STX17: variants seen among roughly 807,000 people sequenced by gnomAD.
STX17 encodes the protein syntaxin-17.
In STX17, 29 loss-of-function variants were observed where a neutral mutation model predicts 35.9. The ratio of observed to expected loss-of-function variants is 0.81; its 90% CI spans 0.60 to 1.10. The LOEUF (loss-of-function observed/expected upper bound fraction) is 1.10. Ranked by LOEUF, STX17 falls within the 50% of genes least tolerant of loss-of-function variation. STX17 has a pLI of 0.00. For missense variants in STX17, 312 were observed against 352.3 expected (o/e 0.89, Z 0.92); for synonymous variants, 92 against 118.3 (o/e 0.78, Z 1.44).
chr9:99,969,846 C>T lies in STX17; in HGVS notation c.*1173C>T, dbSNP rs1028971343. On this transcript the variant is annotated 3_prime_UTR_variant, in exon 8 of 8. Coordinates refer to ENST00000259400, the MANE Select transcript of STX17 (RefSeq NM_017919.3). ...ATGGCGTTCCCATGCTTACCTTTCT[C>T]ACATTCTAGACAATGATGGACAAAG... 2 of 152,684 alleles carry T rather than the reference C, an allele frequency of 1.3e-5. No homozygotes were observed. Among genetic ancestry groups the T allele is most frequent in the African/African-American group, 4.8e-5 (2 of 41,438 alleles). 9.5% of individuals were successfully genotyped at this position (152,684 alleles called of 1,614,324 possible).
chr9:99,965,630 T>G (rs1008601460), intron 6 of STX17, among the ~76,000 whole-genome samples: 1 of 152,212 alleles, frequency 6.6e-6, no homozygotes, highest in African/African-American at 2.4e-5. Flanking sequence ...GTGCTGGAAC[T>G]TTTTCTTCTA....
intron 1 of STX17, among the ~76,000 whole-genome samples, chr9:99,909,270 T>C (rs1402519231): frequency 1.3e-5 from 2 of 152,262 alleles, no homozygotes; most frequent in Non-Finnish European, 2.9e-5. Flanking sequence ...TTATAGTTTA[T>C]ATTCCATTTT....
intron 2 of STX17, among the ~76,000 whole-genome samples, chr9:99,916,425 T>TCA (rs1828772697): frequency 2.3e-5 from 3 of 132,320 alleles, no homozygotes; most frequent in African/African-American, 8.3e-5. Flanking sequence ...ATTTATTTAT[T>TCA]TATTTATTCA....
rs1564056351 is a variant in STX17 at position 99,913,164 on chromosome 9, G to A, written c.-62-2014G>A. On this transcript the variant is annotated intron_variant, in intron 1 of 7. Coordinates refer to ENST00000259400, the MANE Select transcript of STX17 (RefSeq NM_017919.3). Reference sequence around the variant, plus strand: ...TTGCAATTTCCCTTCCATGTATTTAGGCAAATTTGGTTTCTTTTTAATGTA... The same window carrying A: ...TTGCAATTTCCCTTCCATGTATTTAAGCAAATTTGGTTTCTTTTTAATGTA... Among the ~76,000 whole-genome samples the A allele has an allele frequency of 4.0e-5, 6 of 151,706 alleles. No homozygotes were observed. In the South Asian group the frequency reaches 8.3e-4, roughly 21 times the overall value.
chr9:99,910,701 A>C (rs1429579672), intron 1 of STX17, among the ~76,000 whole-genome samples: 1 of 152,210 alleles, frequency 6.6e-6, no homozygotes, highest in Non-Finnish European at 1.5e-5. Context: ...CAGATCTTCT[A>C]GCTATTTTGA....
chr9:99,924,364 A>G (rs1171465844), intron 2 of STX17, among the ~76,000 whole-genome samples: 1 of 152,118 alleles, frequency 6.6e-6, no homozygotes, highest in Non-Finnish European at 1.5e-5. Flanking sequence ...GGGAGTTATG[A>G]TCAAGGAACT....
At position 99,972,093 on chromosome 9, in the gene STX17, A is replaced by T. The variant is rs1359988335; in HGVS notation, c.*3420A>T. Among the ~76,000 whole-genome samples the T allele has an allele frequency of 6.6e-6, 1 of 152,216 alleles. No individual in the cohort carries two copies. Among genetic ancestry groups the T allele is most frequent in the East Asian group, 1.9e-4 (1 of 5,200 alleles). ...CTTTTTAAAAAACTTCTGATTCCTT[A>T]CTGAGTGTCCAGCAGCCTCAAAGTT... On this transcript the variant is annotated 3_prime_UTR_variant, in exon 8 of 8. Coordinates refer to ENST00000259400, the MANE Select transcript of STX17 (RefSeq NM_017919.3).
chr9:99,970,132 G>C lies in STX17; in HGVS notation c.*1459G>C, dbSNP rs368947092. The C allele has an allele frequency of 5.3e-5, 8 of 152,204 alleles. No individual in the cohort carries two copies. The highest frequency in any genetic ancestry group is 2.0e-4 in the Admixed American group (3 of 15,286). 9.4% of individuals were successfully genotyped at this position (152,204 alleles called of 1,614,324 possible). On this transcript the variant is annotated 3_prime_UTR_variant, in exon 8 of 8. Coordinates refer to ENST00000259400, the MANE Select transcript of STX17 (RefSeq NM_017919.3). Reference sequence around the variant, plus strand: ...ACCTGCACCCCAGAAGGTGTGAGCTGTCTCTCTGCCAGGAGCTAAGGTTCA... The same window carrying C: ...ACCTGCACCCCAGAAGGTGTGAGCTCTCTCTCTGCCAGGAGCTAAGGTTCA...
chr9:99,914,431 C>A (rs577790878), intron 1 of STX17, among the ~76,000 whole-genome samples: 1 of 152,272 alleles, frequency 6.6e-6, no homozygotes, highest in African/African-American at 2.4e-5. Flanking sequence ...CTAGCCCCTA[C>A]GCTTGTACTC....
chr9:99,949,185 A>C (rs1251576114), intron 3 of STX17, among the ~76,000 whole-genome samples: 1 of 152,076 alleles, frequency 6.6e-6, no homozygotes, highest in Non-Finnish European at 1.5e-5. Context: ...TAACATATTA[A>C]TACCTACATT....
chr9:99,918,402 C>G (rs1828821521), intron 2 of STX17, among the ~76,000 whole-genome samples: 1 of 152,136 alleles, frequency 6.6e-6, no homozygotes, highest in Admixed American at 6.5e-5. Context: ...TCTCAAAGTG[C>G]TAGGATTACG....
In STX17 at chr9:99,917,276, A is replaced by G. The variant is rs546964430; in HGVS notation, c.123+1914A>G. Among the ~76,000 whole-genome samples the G allele has an allele frequency of 6.6e-5, 10 of 151,418 alleles. 1 individual carries two copies. In the South Asian group the frequency reaches 1.9e-3, roughly 29 times the overall value. ...TTAATTATAAAAGTGACTTTTTTTTATCTATATAGGATTGAATAGCTTATT... is the reference window on the plus strand; with the variant it reads ...TTAATTATAAAAGTGACTTTTTTTTGTCTATATAGGATTGAATAGCTTATT... On this transcript the variant is annotated intron_variant, in intron 2 of 7. Coordinates refer to ENST00000259400, the MANE Select transcript of STX17 (RefSeq NM_017919.3).
At chr9:99,922,656 G>A (rs1828911288) in intron 2 of STX17, among the ~76,000 whole-genome samples, 1 of 152,206 alleles carries the variant, frequency 6.6e-6, no homozygotes, top group Admixed American at 6.5e-5. Flanking sequence ...TAAGCCCTGT[G>A]GAGACAGCAA....
chr9:99,948,724 A>G (rs1295221012), intron 3 of STX17, among the ~76,000 whole-genome samples: 1 of 152,128 alleles, frequency 6.6e-6, no homozygotes, highest in Non-Finnish European at 1.5e-5. Context: ...TGTTGCTGTT[A>G]TTATAGTATC....
intron 3 of STX17, among the ~76,000 whole-genome samples, chr9:99,939,978 TC>T (rs1318729038): frequency 6.6e-6 from 1 of 152,196 alleles, no homozygotes; most frequent in African/African-American, 2.4e-5. Flanking sequence ...TTCATCAGCC[TC>T]CGCTCATTCT....
chr9:99,933,454 C>A (rs917840887), intron 3 of STX17, among the ~76,000 whole-genome samples: 4 of 152,108 alleles, frequency 2.6e-5, no homozygotes, highest in African/African-American at 9.7e-5. Flanking sequence ...TTTCAAAGTC[C>A]ATACACAGTC....
At chr9:99,948,300 A>G (rs561570303) in intron 3 of STX17, among the ~76,000 whole-genome samples, 2 of 152,266 alleles carry the variant, frequency 1.3e-5, no homozygotes, top group Admixed American at 6.5e-5. Flanking sequence ...TTATAATTGC[A>G]TATTAAAATA....
chr9:99,917,901 T>C (rs987398240), intron 2 of STX17, among the ~76,000 whole-genome samples: 1 of 152,200 alleles, frequency 6.6e-6, no homozygotes, highest in Non-Finnish European at 1.5e-5. Flanking sequence ...TGTTTTGCTT[T>C]TGTTTTTAAT....
At chr9:99,945,748 G>A in intron 3 of STX17, 1 of 395,456 alleles carries the variant, frequency 2.5e-6, no homozygotes, top group Non-Finnish European at 5.0e-6. Context: ...CCTTCTCCAA[G>A]GATTTCATCA....
Sources: gnomAD v4.1 joint callset for allele counts (sites outside exome capture counted in the v4.1 genomes callset) on GRCh38, gnomAD v4.1.1 for gene constraint, MANE v1.5 for transcripts, NCBI Gene and HGNC (gene_info 2026-07-23, HGNC 2026-07-21) for gene names.